PNKD: variants seen among roughly 807,000 people sequenced by gnomAD.
PNKD encodes the protein PNKD metallo-beta-lactamase domain containing.
A neutral mutation model predicts 45.3 loss-of-function variants in PNKD; 36 were observed. The ratio of observed to expected loss-of-function variants is 0.80; its 90% CI spans 0.61 to 1.05. PNKD has a LOEUF of 1.05. Among genes scored for constraint, PNKD ranks in the 50% least tolerant of loss-of-function variants. The probability of loss-of-function intolerance (pLI) is 0.00; values close to 1 mark genes in which losing one functional copy is unlikely to be tolerated. For synonymous variants in PNKD, 197 were observed against 210.1 expected (o/e 0.94, Z 0.54); for missense variants, 511 against 506.6 (o/e 1.01, Z -0.08).
chr2:218,279,911 A>C, intron 2 of PNKD: 1 of 782,272 alleles, frequency 1.3e-6, no homozygotes, highest in Non-Finnish European at 2.3e-6. Context: ...TAGAGAAGAC[A>C]GGCAGCCAGT....
chr2:218,314,125 G>C (rs1021432474), intron 2 of PNKD, among the ~76,000 whole-genome samples: 7 of 150,380 alleles, frequency 4.7e-5, no homozygotes, highest in African/African-American at 1.7e-4. Flanking sequence ...GTTTCTCCAT[G>C]TTGGTCAGGC....
intron 8 of PNKD, 106 bp downstream of exon 8, chr2:218,343,692 T>G: frequency 1.2e-6 from 1 of 846,884 alleles, no homozygotes; most frequent in African/African-American, 1.7e-5. Flanking sequence ...GCCCAGTTCC[T>G]GGCCCAGAAG....
intron 2 of PNKD, chr2:218,278,903 G>T: frequency 1.0e-6 from 1 of 998,426 alleles, no homozygotes; most frequent in Non-Finnish European, 1.5e-6. Flanking sequence ...CACACCCTCT[G>T]GCACGGGAAA....
intron 2 of PNKD, among the ~76,000 whole-genome samples, chr2:218,335,000 T>G (rs1354359721): frequency 6.6e-6 from 1 of 151,848 alleles, no homozygotes; most frequent in Non-Finnish European, 1.5e-5. Flanking sequence ...ATAATAAAAA[T>G]AATTAGCTGG....
intron 2 of PNKD, among the ~76,000 whole-genome samples, chr2:218,306,738 C>T (rs572475927): frequency 4.9e-4 from 74 of 152,266 alleles, no homozygotes; most frequent in Non-Finnish European, 8.5e-4. Context: ...TATGGGGCAG[C>T]GCCAGGAATT....
At chr2:218,321,662 C>T (rs1212624768) in intron 2 of PNKD, among the ~76,000 whole-genome samples, 1 of 141,486 alleles carries the variant, frequency 7.1e-6, no homozygotes, top group Non-Finnish European at 1.5e-5. Flanking sequence ...GAGTCTCACC[C>T]CTGTCACCTA....
At chr2:218,290,470 G>A (rs1692861908) in intron 2 of PNKD, among the ~76,000 whole-genome samples, 1 of 152,156 alleles carries the variant, frequency 6.6e-6, no homozygotes, top group African/African-American at 2.4e-5. Flanking sequence ...GTCACATGAA[G>A]TACTAGACAT....
At chr2:218,280,864 T>G (rs1313663613) in intron 2 of PNKD, 1 of 140,002 alleles carries the variant, frequency 7.1e-6, no homozygotes, top group African/African-American at 2.8e-5. Flanking sequence ...CAAGCTGGAG[T>G]GCAAAGGCGT....
intron 2 of PNKD, chr2:218,334,896 A>C: frequency 1.6e-6 from 1 of 616,400 alleles, no homozygotes; most frequent in Non-Finnish European, 2.9e-6. Context: ...GGGTGATTTG[A>C]CTGGGGTCTC....
chr2:218,298,492 A>G (rs1201035147), intron 2 of PNKD, among the ~76,000 whole-genome samples: 2 of 152,212 alleles, frequency 1.3e-5, no homozygotes, highest in African/African-American at 4.8e-5. Flanking sequence ...TTATCTATAA[A>G]AAGGGTGGTA....
chr2:218,337,883 T>C (rs1415846601), intron 2 of PNKD, among the ~76,000 whole-genome samples: 1 of 152,168 alleles, frequency 6.6e-6, no homozygotes, highest in Non-Finnish European at 1.5e-5. Flanking sequence ...GCACGGTGGC[T>C]CACCCCTGTA....
At chr2:218,330,289 T>C (rs994169994) in intron 2 of PNKD, among the ~76,000 whole-genome samples, 1 of 152,140 alleles carries the variant, frequency 6.6e-6, no homozygotes, top group Non-Finnish European at 1.5e-5. Context: ...CAGGCTTCTC[T>C]CAGGGCTGCC....
chr2:218,277,590 C>T, intron 2 of PNKD: 1 of 1,613,904 alleles, frequency 6.2e-7, no homozygotes, highest in African/African-American at 1.3e-5. Flanking sequence ...CCACTCCCCA[C>T]AATACACATT....
At chr2:218,310,622 C>G (rs1693583905) in intron 2 of PNKD, among the ~76,000 whole-genome samples, 1 of 134,208 alleles carries the variant, frequency 7.5e-6, no homozygotes, top group African/African-American at 3.0e-5. Context: ...GGTGGAGTCT[C>G]CCCCTGTCAC....
At chr2:218,287,522 A>AT (rs1692618737) in intron 2 of PNKD, among the ~76,000 whole-genome samples, 1 of 152,150 alleles carries the variant, frequency 6.6e-6, no homozygotes. Flanking sequence ...ATCGTGGCCA[A>AT]CATGGTCAAA....
intron 2 of PNKD, among the ~76,000 whole-genome samples, chr2:218,299,290 C>T (rs35122042): frequency 0.02 from 3,086 of 151,944 alleles, 96 homozygotes; most frequent in African/African-American, 0.07. Flanking sequence ...TACAGGCACC[C>T]GCCACCAGGC....
At chr2:218,308,604 T>C (rs2382822) in intron 2 of PNKD, among the ~76,000 whole-genome samples, 52,640 of 151,600 alleles carry the variant, frequency 0.35, 9,629 homozygotes, top group Middle Eastern at 0.53. Context: ...CTTTTTTTTT[T>C]TTAGACGAGT....
chr2:218,305,977 C>T (rs1054241710), intron 2 of PNKD, among the ~76,000 whole-genome samples: 7 of 152,178 alleles, frequency 4.6e-5, no homozygotes, highest in African/African-American at 1.7e-4. Context: ...ATTGGACCTT[C>T]ATTAGTTATG....
chr2:218,279,909 ACAGG>A, intron 2 of PNKD: 1 of 783,318 alleles, frequency 1.3e-6, no homozygotes, highest in South Asian at 1.5e-5. Flanking sequence ...GCTAGAGAAG[ACAGG>A]CAGCCAGTGT....
Sources: gnomAD v4.1 joint callset for allele counts (sites outside exome capture counted in the v4.1 genomes callset) on GRCh38, gnomAD v4.1.1 for gene constraint, MANE v1.5 for transcripts, NCBI Gene and HGNC (gene_info 2026-07-23, HGNC 2026-07-21) for gene names.